The following GRIK1 variants were observed in gnomAD, a reference collection of about 807,000 sequenced individuals.
The protein encoded by GRIK1 is glutamate receptor ionotropic, kainate 1.
A neutral mutation model predicts 105.7 loss-of-function variants in GRIK1; 69 were observed. The observed-to-expected ratio is 0.65, with a 90% CI of 0.54 to 0.80. The LOEUF is 0.80. Ranked by LOEUF, GRIK1 falls within the 30% of genes least tolerant of loss-of-function variation. The pLI is 0.00. For synonymous variants in GRIK1, 438 were observed against 431.3 expected (o/e 1.02, Z -0.19); for missense variants, 1,109 against 1,167.3 (o/e 0.95, Z 0.73).
At chr21:29,571,863 TTTCTCA>T (rs2090757923) in intron 14 of GRIK1, among the ~76,000 whole-genome samples, 1 of 152,180 alleles carries the variant, frequency 6.6e-6, no homozygotes, top group Non-Finnish European at 1.5e-5. Context: ...TGAGAAAACG[TTTCTCA>T]TTAGAAGTTT....
intron 1 of GRIK1, among the ~76,000 whole-genome samples, chr21:29,722,086 A>G (rs1354958274): frequency 6.6e-6 from 1 of 152,156 alleles, no homozygotes; most frequent in Non-Finnish European, 1.5e-5. Flanking sequence ...TTATTAAAAT[A>G]AATCTCTGAC....
chr21:29,902,185 A>G (rs445468), intron 1 of GRIK1, among the ~76,000 whole-genome samples: 33,642 of 152,120 alleles, frequency 0.22, 4,252 homozygotes, highest in African/African-American at 0.34. Context: ...CTCACAGCCA[A>G]TGTCATACTG....
intron 15 of GRIK1, among the ~76,000 whole-genome samples, chr21:29,560,468 CCTT>C (rs1568814828): frequency 2.2e-4 from 26 of 117,632 alleles, no homozygotes; most frequent in African/African-American, 5.1e-4. Context: ...TCCTTCCTTT[CCTT>C]TCTCTCTCTC....
chr21:29,559,033 A>G (rs2090327530), intron 15 of GRIK1, among the ~76,000 whole-genome samples: 1 of 152,182 alleles, frequency 6.6e-6, no homozygotes, highest in Non-Finnish European at 1.5e-5. Flanking sequence ...TTTTGGTGCC[A>G]AAAAGGGGTG....
chr21:29,666,142 G>A (rs952807137), intron 4 of GRIK1, among the ~76,000 whole-genome samples: 4 of 152,166 alleles, frequency 2.6e-5, no homozygotes, highest in Non-Finnish European at 4.4e-5. Context: ...GGTGGCTCAC[G>A]CCTGTAATCC....
At chr21:29,608,405 G>A (rs553573464) in intron 7 of GRIK1, among the ~76,000 whole-genome samples, 8 of 152,088 alleles carry the variant, frequency 5.3e-5, no homozygotes, top group African/African-American at 4.8e-5. Flanking sequence ...ATATATGCAC[G>A]TAATGAGTCT....
At position 29,813,029 on chromosome 21, in the gene GRIK1, GAGTAC is replaced by G. The variant is rs1434994675; in HGVS notation, c.119-118971_119-118967del. On this transcript the variant is annotated intron_variant, in intron 1 of 17. Coordinates refer to ENST00000327783, the MANE Select transcript of GRIK1 (RefSeq NM_001330994.2). ...TTCTGTGCATTAGCATTGGTTCAGTGAGTACAGTACTGTGGACATCTGCAACAACC... is the reference window on the plus strand; with the variant it reads ...TTCTGTGCATTAGCATTGGTTCAGTGAGTACTGTGGACATCTGCAACAACC... 2.0e-5 allele frequency among the ~76,000 whole-genome samples: 3 copies of G among 152,112 alleles called. No homozygotes were observed. In the East Asian group the frequency reaches 5.8e-4, roughly 29 times the overall value.
chr21:29,735,165 A>G (rs1036217107), intron 1 of GRIK1, among the ~76,000 whole-genome samples: 1 of 152,344 alleles, frequency 6.6e-6, no homozygotes, highest in Middle Eastern at 3.4e-3. Context: ...TGCTTTATTC[A>G]TCGTGGATCT....
intron 1 of GRIK1, among the ~76,000 whole-genome samples, chr21:29,749,396 G>A (rs532015758): frequency 2.6e-5 from 4 of 152,338 alleles, no homozygotes; most frequent in African/African-American, 7.2e-5. Context: ...ACGTAGCATA[G>A]TGGACGTGTC....
At chr21:29,858,714 G>A (rs2068541331) in intron 1 of GRIK1, among the ~76,000 whole-genome samples, 1 of 152,036 alleles carries the variant, frequency 6.6e-6, no homozygotes, top group Admixed American at 6.6e-5. Context: ...AGCCATGCCT[G>A]TAGCTCTGCT....
intron 1 of GRIK1, among the ~76,000 whole-genome samples, chr21:29,702,686 G>C (rs908966543): frequency 6.6e-6 from 1 of 152,170 alleles, no homozygotes; most frequent in Non-Finnish European, 1.5e-5. Context: ...ACTCCAGCCT[G>C]GGTGACAGAA....
At position 29,876,668 on chromosome 21, in the gene GRIK1, G is replaced by T. The variant is rs1033033692; in HGVS notation, c.118+62715C>A. ...AATCACGTAGTTATGCTTTTAGGCA[G>T]TTTCATCTAATATGTTCTTTGGAGT... On this transcript the variant is annotated intron_variant, in intron 1 of 17. Coordinates refer to ENST00000327783, the MANE Select transcript of GRIK1 (RefSeq NM_001330994.2). Among the ~76,000 whole-genome samples the T allele has an allele frequency of 1.1e-4, 16 of 152,290 alleles. No individual in the cohort carries two copies. In the East Asian group the frequency reaches 1.9e-3, roughly 18 times the overall value.
intron 15 of GRIK1, among the ~76,000 whole-genome samples, chr21:29,560,429 C>CTT (rs1250765716): frequency 6.2e-5 from 8 of 128,578 alleles, no homozygotes; most frequent in African/African-American, 1.0e-4. Context: ...TTCTTTCTTT[C>CTT]TTTCTTTCTT....
At chr21:29,811,102 C>T (rs912338278) in intron 1 of GRIK1, among the ~76,000 whole-genome samples, 4 of 151,986 alleles carry the variant, frequency 2.6e-5, no homozygotes, top group South Asian at 2.1e-4. Flanking sequence ...CTGCTGGCTC[C>T]GAGTGAAAGT....
rs1229025631 is a variant in GRIK1, at chr21:29,561,607, ATGT to A, written c.2356+14_2356+16del. On this transcript the variant is annotated intron_variant, in intron 15 of 17. Transcript: ENST00000327783. ...ACATTCTGTATCTCAGTCTTGGTTC[ATGT>A]CTACCCGTCTTACCAATAGGTGTTC... 1 of 1,505,844 alleles carries A rather than the reference ATGT, an allele frequency of 6.6e-7. No homozygotes were observed. Among genetic ancestry groups the A allele is most frequent in the East Asian group, 2.3e-5 (1 of 44,362 alleles). 93.3% of individuals were successfully genotyped at this position (1,505,844 alleles called of 1,614,324 possible).
chr21:29,541,199 C>G (rs1413668590), intron 16 of GRIK1, among the ~76,000 whole-genome samples: 1 of 152,192 alleles, frequency 6.6e-6, no homozygotes, highest in Non-Finnish European at 1.5e-5. Flanking sequence ...ATCTCCTGAC[C>G]TCATGATCCA....
At chr21:29,719,267 T>G (rs972737618) in intron 1 of GRIK1, among the ~76,000 whole-genome samples, 5 of 151,694 alleles carry the variant, frequency 3.3e-5, no homozygotes, top group African/African-American at 4.8e-5. Flanking sequence ...TAGATGAAAT[T>G]TTTTTCCTTA....
At chr21:29,597,009 G>A (rs2061428428) in intron 8 of GRIK1, among the ~76,000 whole-genome samples, 1 of 151,954 alleles carries the variant, frequency 6.6e-6, no homozygotes, top group Admixed American at 6.6e-5. Flanking sequence ...TAAAGAAGAA[G>A]TATGCTTGAT....
At chr21:29,883,583 T>A (rs966958582) in intron 1 of GRIK1, among the ~76,000 whole-genome samples, 2 of 151,974 alleles carry the variant, frequency 1.3e-5, no homozygotes, top group South Asian at 4.1e-4. Context: ...TTATTAGACC[T>A]TCCAAATCAG....
Sources: allele counts gnomAD v4.1 joint callset (sites outside exome capture counted in the v4.1 genomes callset), GRCh38; gene constraint gnomAD v4.1.1; transcripts MANE v1.5; gene names NCBI Gene and HGNC (gene_info 2026-07-23, HGNC 2026-07-21).